Variants in NLGN1 observed in about 807,000 individuals in gnomAD.
NLGN1 encodes neuroligin-1.
NLGN1 carries 12 observed loss-of-function variants against 65.5 expected under a neutral mutation model. That is an observed-to-expected ratio of 0.18 (90% confidence interval 0.12 to 0.30). NLGN1 has a LOEUF of 0.30. Ranked by LOEUF, NLGN1 falls within the 10% of genes least tolerant of loss-of-function variation. NLGN1 has a pLI of 1.00. For missense variants in NLGN1, 750 were observed against 1,007.1 expected (o/e 0.74, Z 3.46); for synonymous variants, 350 against 359.5 (o/e 0.97, Z 0.30).
At chr3:173,412,986 A>T (rs1712915016) in intron 1 of NLGN1, among the ~76,000 whole-genome samples, 1 of 152,228 alleles carries the variant, frequency 6.6e-6, no homozygotes. Context: ...TTTGTGCTAC[A>T]GATGGAAAGG....
At chr3:173,473,538 A>G (rs1725652161) in intron 2 of NLGN1, among the ~76,000 whole-genome samples, 1 of 152,170 alleles carries the variant, frequency 6.6e-6, no homozygotes, top group Non-Finnish European at 1.5e-5. Context: ...CTTCACTAAA[A>G]TAGTTGCTGT....
chr3:173,498,624 A>G (rs807152), intron 2 of NLGN1, among the ~76,000 whole-genome samples: 120,844 of 151,628 alleles, frequency 0.8, 49,365 homozygotes, highest in East Asian at 0.97. Context: ...CTGAGGAATC[A>G]CCACACTGAC....
At chr3:173,757,403 G>C (rs1273288527) in intron 3 of NLGN1, among the ~76,000 whole-genome samples, 2 of 151,940 alleles carry the variant, frequency 1.3e-5, no homozygotes, top group Non-Finnish European at 2.9e-5. Context: ...CATGCCTTTA[G>C]AGCTAATTGA....
At chr3:173,520,619 CA>C (rs1734593398) in intron 2 of NLGN1, among the ~76,000 whole-genome samples, 1 of 152,130 alleles carries the variant, frequency 6.6e-6, no homozygotes, top group South Asian at 2.1e-4. Flanking sequence ...CATGAAAAAT[CA>C]GGGGCCAGCA....
chr3:173,539,399 A>G (rs1373544127), intron 2 of NLGN1, among the ~76,000 whole-genome samples: 2 of 146,764 alleles, frequency 1.4e-5, no homozygotes, highest in African/African-American at 5.0e-5. Context: ...AAAAACATAT[A>G]TATGTTATAT....
At chr3:173,554,296 G>A (rs1290126871) in intron 2 of NLGN1, among the ~76,000 whole-genome samples, 1 of 152,114 alleles carries the variant, frequency 6.6e-6, no homozygotes, top group Admixed American at 6.5e-5. Context: ...TTAGAAGCAT[G>A]TTTATTTTCA....
chr3:173,683,283 CT>C lies in NLGN1; in HGVS notation c.493+78194del, dbSNP rs1306079937. On this transcript the variant is annotated intron_variant, in intron 3 of 6. Transcript: ENST00000457714. ...TCCTACACATTTCAAGTCCTCCTTC[CT>C]TCCTCTTCCTCTTCCCCCCATGGCA... Among the ~76,000 whole-genome samples, 9 of 152,144 alleles carry C rather than the reference CT, an allele frequency of 5.9e-5. No individual in the cohort carries two copies. In the East Asian group the frequency reaches 9.7e-4, roughly 16 times the overall value.
At chr3:174,167,434 A>G (rs947448969) in intron 4 of NLGN1, among the ~76,000 whole-genome samples, 8 of 152,004 alleles carry the variant, frequency 5.3e-5, no homozygotes, top group African/African-American at 1.7e-4. Context: ...TTTCTCTTTC[A>G]TTTATGAAAT....
chr3:174,033,514 G>T (rs371400234), intron 4 of NLGN1, among the ~76,000 whole-genome samples: 39,624 of 151,732 alleles, frequency 0.26, 6,061 homozygotes, highest in African/African-American at 0.42. Context: ...ATATCAAATG[G>T]GGCATTTAAA....
chr3:174,161,887 TCAGTTC>T (rs1726610311), intron 4 of NLGN1, among the ~76,000 whole-genome samples: 1 of 151,822 alleles, frequency 6.6e-6, no homozygotes, highest in Non-Finnish European at 1.5e-5. Flanking sequence ...ATCATAAATG[TCAGTTC>T]TGTGGGGCAA....
chr3:173,415,943 A>AGAGAGAGAGCGAGAGC lies in NLGN1; in HGVS notation c.-390+17457_-390+17458insAGAGAGAGCGAGAGCG, dbSNP rs141095727. The stretch of plus-strand genomic sequence containing the variant: ...GGGAGAGAGAGAGAGAGAGAGAGAG[A>AGAGAGAGAGCGAGAGC]GCTTGGTATAGAGCCTAACACACAA... On this transcript the variant is annotated intron_variant, in intron 1 of 6. Transcript: ENST00000457714. Among the ~76,000 whole-genome samples the AGAGAGAGAGCGAGAGC allele has an allele frequency of 3.6e-4, 51 of 142,854 alleles. 2 individuals are homozygous for AGAGAGAGAGCGAGAGC. Among genetic ancestry groups the AGAGAGAGAGCGAGAGC allele is most frequent in the African/African-American group, 1.4e-3 (51 of 35,826 alleles). The allele number at this position is 142,854 out of a possible 152,430, so 93.7% of individuals were successfully genotyped here.
At chr3:173,555,751 G>A (rs1741608947) in intron 2 of NLGN1, among the ~76,000 whole-genome samples, 1 of 152,024 alleles carries the variant, frequency 6.6e-6, no homozygotes, top group Non-Finnish European at 1.5e-5. Context: ...CAAAGTGCTG[G>A]GATTACAGGC....
intron 2 of NLGN1, among the ~76,000 whole-genome samples, chr3:173,446,354 T>G (rs1289116512): frequency 2.0e-5 from 3 of 152,150 alleles, no homozygotes; most frequent in African/African-American, 7.2e-5. Flanking sequence ...CTGAGAATGA[T>G]GGTTTCCAGC....
intron 4 of NLGN1, among the ~76,000 whole-genome samples, chr3:174,019,086 A>T (rs1727214423): frequency 6.6e-6 from 1 of 152,130 alleles, no homozygotes; most frequent in African/African-American, 2.4e-5. Context: ...GCCACCAAAT[A>T]CAAGCAGCAG....
rs189779699 is a variant in NLGN1, at chr3:173,950,874, T to C, written c.646+143042T>C. On this transcript the variant is annotated intron_variant, in intron 4 of 6. Coordinates refer to ENST00000457714, the Ensembl canonical transcript of NLGN1. ...GTTATTAATTTTATTTATTTATTTG[T>C]TTATTTATTTGAGATGGACTCTTGC... 1.9e-3 allele frequency among the ~76,000 whole-genome samples: 289 copies of C among 152,126 alleles called. 1 individual carries two copies. Among genetic ancestry groups the C allele is most frequent in the Admixed American group, 2.1e-3 (32 of 15,276 alleles).
chr3:173,883,206 G>A (rs1029737561), intron 4 of NLGN1, among the ~76,000 whole-genome samples: 22 of 152,088 alleles, frequency 1.4e-4, no homozygotes, highest in African/African-American at 4.3e-4. Context: ...CCACTTGAAC[G>A]CTTAGCAGCC....
intron 4 of NLGN1, among the ~76,000 whole-genome samples, chr3:173,976,023 G>GTGGT (rs1717364685): frequency 6.6e-6 from 1 of 151,942 alleles, no homozygotes; most frequent in Admixed American, 6.6e-5. Flanking sequence ...AGTGGGCTAG[G>GTGGT]TGGTTATAAA....
intron 4 of NLGN1, among the ~76,000 whole-genome samples, chr3:173,948,526 G>C (rs1293155990): frequency 6.6e-6 from 1 of 152,192 alleles, no homozygotes; most frequent in Non-Finnish European, 1.5e-5. Context: ...TCTGTAGAAG[G>C]GTGAGTAAAT....
At chr3:174,289,720 T>TA (rs539185608), downstream of NLGN1, among the ~76,000 whole-genome samples, 162 of 150,904 alleles carry the variant, frequency 1.1e-3, no homozygotes, top group East Asian at 0.027. Context: ...ATACATAAGA[T>TA]AAAACAAAAT....
Sources: gnomAD v4.1 joint callset for allele counts (sites outside exome capture counted in the v4.1 genomes callset) on GRCh38, gnomAD v4.1.1 for gene constraint, MANE v1.5 for transcripts, NCBI Gene and HGNC (gene_info 2026-07-23, HGNC 2026-07-21) for gene names.